The following NUP107 variants were observed in gnomAD, a reference collection of about 807,000 sequenced individuals.
The protein encoded by NUP107 is nucleoporin 107.
NUP107 carries 101 observed loss-of-function variants against 141.0 expected under a neutral mutation model. The ratio of observed to expected loss-of-function variants is 0.72; its 90% CI spans 0.61 to 0.84. The LOEUF is 0.84. Among genes scored for constraint, NUP107 ranks in the 40% least tolerant of loss-of-function variants. NUP107 has a pLI of 0.00. For missense variants in NUP107, 941 were observed against 1,102.7 expected (o/e 0.85, Z 2.08); for synonymous variants, 319 against 363.9 (o/e 0.88, Z 1.41).
Position 68,741,886 on chromosome 12 carries a change from T to C in NUP107, c.2576T>C (p.Phe859Ser). 1.9e-6 allele frequency: 3 copies of C among 1,614,104 alleles called. No homozygotes were observed. The highest frequency in any genetic ancestry group is 2.5e-6 in the Non-Finnish European group (3 of 1,179,978). Residue 859 changes from phenylalanine (F) to serine (S), a missense_variant, in exon 27 of 28, where the codon TTT becomes TCT. Transcript: ENST00000229179. ...AAGCTTTGTCTGCCAATGTTGTGTT[T>C]TCTGCTTCATACGATATTGCACAGT... ...LRKLCLPMLC[F>S]LLHTILHSTG...
chr12:68,731,766 T>C (rs748231620), intron 22 of NUP107, 47 bp downstream of exon 22: 13 of 1,016,586 alleles, frequency 1.3e-5, no homozygotes, highest in Non-Finnish European at 1.8e-5. Flanking sequence ...TCTAATAATC[T>C]TTTATGTTAT....
At chr12:68,738,186 G>A (rs1417278385) in intron 26 of NUP107, among the ~76,000 whole-genome samples, 2 of 152,196 alleles carry the variant, frequency 1.3e-5, no homozygotes, top group Non-Finnish European at 2.9e-5. Context: ...TGAGGCAGAA[G>A]AATCACTTGA....
In NUP107 at chr12:68,689,005, G is replaced by A; in HGVS notation, c.52G>A (p.Glu18Lys). The change falls in exon 2 of 28, where the codon GAG (glutamate) becomes AAG (lysine). Residue 18 changes from glutamate to lysine, a missense_variant. Physicochemically the swap from Glu to Lys is moderately conservative, Grantham distance 56 (BLOSUM62 1). Transcript: ENST00000229179. Reference sequence around the variant, plus strand: ...ATCATCCCCTGTAATCCGGGAGGCAGAGGTGACACGGACTGCACGGAAACA... The same window carrying A: ...ATCATCCCCTGTAATCCGGGAGGCAAAGGTGACACGGACTGCACGGAAACA... ...EISSPVIREA[E>K]VTRTARKQSA... 1 of 1,613,902 alleles carries A rather than the reference G, an allele frequency of 6.2e-7. No homozygotes were observed. Among genetic ancestry groups the A allele is most frequent in the Non-Finnish European group, 8.5e-7 (1 of 1,179,838 alleles).
At chr12:68,719,298 G>C in intron 12 of NUP107, 43 bp from the exon 13 acceptor site, 1 of 1,443,904 alleles carries the variant, frequency 6.9e-7, no homozygotes. Flanking sequence ...TTACTATAAA[G>C]CACCCTGGTT....
At chr12:68,690,549 C>T in intron 3 of NUP107, 82 bp from the exon 4 acceptor site, 1 of 1,565,902 alleles carries the variant, frequency 6.4e-7, no homozygotes, top group Non-Finnish European at 8.7e-7. Flanking sequence ...AAAATTTATT[C>T]TTCATTGTTT....
At chr12:68,732,864 C>T (rs1256121760) in intron 23 of NUP107, 125 bp downstream of exon 23, 1 of 541,148 alleles carries the variant, frequency 1.8e-6, no homozygotes, top group African/African-American at 1.9e-5. Flanking sequence ...AAAATTTTTT[C>T]TAGAGATGGG....
chr12:68,724,172 T>C (rs1437214796), intron 17 of NUP107, among the ~76,000 whole-genome samples: 3 of 152,148 alleles, frequency 2.0e-5, no homozygotes, highest in Admixed American at 1.3e-4. Context: ...GTGCTTGTTA[T>C]AACTATTTAG....
Position 68,719,404 on chromosome 12 carries a change from C to T in NUP107, c.1147C>T (p.Leu383=), listed in dbSNP as rs35209116. 5.9e-3 allele frequency: 9,602 copies of T among 1,614,080 alleles called. 59 individuals carry two copies. The highest frequency in any genetic ancestry group is 0.018 in the South Asian group (1,649 of 91,074). ...WRAATLEGWK[L]YHDPNVNGGT... is the part of the protein sequence containing the mutation. Reference sequence around the variant, plus strand: ...AGCTGCAACACTTGAAGGCTGGAAACTGTACCATGACCCTAATGTTAATGG... The same window carrying T: ...AGCTGCAACACTTGAAGGCTGGAAATTGTACCATGACCCTAATGTTAATGG... The change falls in exon 13 of 28, where the codon CTG becomes TTG. Residue 383 remains leucine, a synonymous_variant. Coordinates refer to ENST00000229179, the MANE Select transcript of NUP107 (RefSeq NM_020401.4).
In NUP107 at chr12:68,731,628, CA is replaced by C; in HGVS notation, c.1912del (p.Thr638LeufsTer2). 1.3e-6 allele frequency: 2 copies of C among 1,566,008 alleles called. No individual in the cohort carries two copies. Among genetic ancestry groups the C allele is most frequent in the East Asian group, 2.4e-5 (1 of 42,434 alleles). ...TTAGATTTGGATGTTGCAACAATAA[CA>C]AAAACTGTAGTTGAGAATATTCGAA... ...KEADLDVATITKTVVENIRKK... is the reference protein window; with the variant it reads ...KEADLDVATIXKTVVENIRKK... On this transcript the variant is annotated frameshift_variant, in exon 22 of 28. Coordinates refer to ENST00000229179, the MANE Select transcript of NUP107 (RefSeq NM_020401.4). LOFTEE classifies it high-confidence loss of function.
At chr12:68,735,904 T>A (rs955853448) in intron 26 of NUP107, among the ~76,000 whole-genome samples, 9 of 152,226 alleles carry the variant, frequency 5.9e-5, no homozygotes, top group Admixed American at 1.3e-4. Context: ...TTAAGTATTT[T>A]CTGAGTCCAG....
chr12:68,700,619 A>G, intron 6 of NUP107, 107 bp from the exon 7 acceptor site: 1 of 661,726 alleles, frequency 1.5e-6, no homozygotes, highest in Non-Finnish European at 2.3e-6. Context: ...ATTTTATAAT[A>G]TATACTTATT....
intron 5 of NUP107, among the ~76,000 whole-genome samples, chr12:68,692,494 G>T (rs1297850026): frequency 3.3e-5 from 5 of 151,460 alleles, no homozygotes; most frequent in African/African-American, 4.9e-5. Context: ...CAGGAGAATC[G>T]CTTGAACCCG....
At position 68,726,554 on chromosome 12, in the gene NUP107, A is replaced by G. The variant is rs775351891; in HGVS notation, c.1632A>G (p.Gly544=). The change falls in exon 19 of 28, where the codon GGA becomes GGG. Residue 544 remains glycine (G), a synonymous_variant. Transcript: ENST00000229179. ...CCAAAAGCAGAAACAATCTACCTGG[A>G]CACCTGCTTCGCTTTATGACTCACC... ...WLSKSRNNLP[G]HLLRFMTHLI... 6.2e-6 allele frequency: 10 copies of G among 1,614,070 alleles called. No homozygotes were observed. The highest frequency in any genetic ancestry group is 8.5e-6 in the Non-Finnish European group (10 of 1,179,980).
chr12:68,702,843 A>G, intron 8 of NUP107, 59 bp downstream of exon 8: 1 of 1,021,938 alleles, frequency 9.8e-7, no homozygotes, highest in Non-Finnish European at 1.4e-6. Context: ...TGTTACTAAT[A>G]GGATTTTTTT....
At chr12:68,724,912 T>C (rs1029297197) in intron 17 of NUP107, among the ~76,000 whole-genome samples, 5 of 152,024 alleles carry the variant, frequency 3.3e-5, no homozygotes, top group African/African-American at 1.2e-4. Context: ...TGAAAATAAA[T>C]AGATGAGTGG....
rs753938314 is a variant in NUP107 at position 68,719,653 on chromosome 12, A to C, written c.1250A>C (p.Asp417Ala). ...WKISCWRMAEDELFNRYERAI... is the reference protein window; with the variant it reads ...WKISCWRMAEAELFNRYERAI... ...ATAAGTTGCTGGAGAATGGCAGAAGATGTAAGATAAATAAAATATTCAGTG... is the reference window on the plus strand; with the variant it reads ...ATAAGTTGCTGGAGAATGGCAGAAGCTGTAAGATAAATAAAATATTCAGTG... The change falls in exon 14 of 28, where the codon GAT becomes GCT. Residue 417 changes from aspartate to alanine, a missense_variant and splice_region_variant. Transcript: ENST00000229179. 1.9e-6 allele frequency: 3 copies of C among 1,596,306 alleles called. No homozygotes were observed. The highest frequency in any genetic ancestry group is 2.6e-6 in the Non-Finnish European group (3 of 1,163,884).
At chr12:68,690,509 T>A in intron 3 of NUP107, 122 bp from the exon 4 acceptor site, 2 of 1,183,258 alleles carry the variant, frequency 1.7e-6, no homozygotes, top group Non-Finnish European at 2.4e-6. Context: ...AAGTATTTAT[T>A]TGGTTAGAGT....
At position 68,742,367 on chromosome 12, in the gene NUP107, G is replaced by A. The variant is rs562381973; in HGVS notation, c.2683G>A (p.Glu895Lys). ...TTTTAAAAATCAGGTATTTTCTAAGGAAGAGCTAAGGAAGTTGCTGCAGAA... is the reference window on the plus strand; with the variant it reads ...TTTTAAAAATCAGGTATTTTCTAAGAAAGAGCTAAGGAAGTTGCTGCAGAA... ...RHKLYLVFSK[E>K]ELRKLLQKLR... Residue 895 changes from glutamate to lysine, a missense_variant, in exon 28 of 28, where the codon GAA becomes AAA. Physicochemically the swap from Glu to Lys is moderately conservative, Grantham distance 56. Coordinates refer to ENST00000229179, the MANE Select transcript of NUP107 (RefSeq NM_020401.4). The A allele has an allele frequency of 1.9e-6, 3 of 1,604,556 alleles. No individual in the cohort carries two copies. Among genetic ancestry groups the A allele is most frequent in the Non-Finnish European group, 8.5e-7 (1 of 1,172,692 alleles).
chr12:68,701,066 T>G (rs1489976819), intron 7 of NUP107, among the ~76,000 whole-genome samples: 1 of 152,310 alleles, frequency 6.6e-6, no homozygotes, highest in East Asian at 1.9e-4. Context: ...TGGATGTGTG[T>G]AAAGACTTAA....
Sources: allele counts gnomAD v4.1 joint callset (sites outside exome capture counted in the v4.1 genomes callset), GRCh38; gene constraint gnomAD v4.1.1; transcripts MANE v1.5; gene names NCBI Gene and HGNC (gene_info 2026-07-23, HGNC 2026-07-21).